RAB27B: variants seen among roughly 807,000 people sequenced by gnomAD.
RAB27B encodes ras-related protein Rab-27B.
A neutral mutation model predicts 24.6 loss-of-function variants in RAB27B; 15 were observed. That is an observed-to-expected ratio of 0.61 (90% CI 0.41 to 0.94). The LOEUF (loss-of-function observed/expected upper bound fraction) is 0.94, where lower values mean the gene tolerates loss of function less well. Ranked by LOEUF, RAB27B falls within the 40% of genes least tolerant of loss-of-function variation. The pLI is 0.00. For missense variants in RAB27B, 261 were observed against 266.8 expected (o/e 0.98, Z 0.15); for synonymous variants, 105 against 92.5 (o/e 1.14, Z -0.78).
At chr18:54,755,396 T>TTAAA (rs775055763) in intron 2 of RAB27B, among the ~76,000 whole-genome samples, 3 of 151,982 alleles carry the variant, frequency 2.0e-5, no homozygotes, top group South Asian at 2.1e-4. Context: ...TCTCAAAAAA[T>TTAAA]TAAATAAATA....
At chr18:54,837,509 G>A (rs937927897) in intron 1 of RAB27B, among the ~76,000 whole-genome samples, 1 of 152,102 alleles carries the variant, frequency 6.6e-6, no homozygotes, top group East Asian at 1.9e-4. Flanking sequence ...AATTGCATAC[G>A]TTCAAGAAAA....
intron 2 of RAB27B, among the ~76,000 whole-genome samples, chr18:54,754,326 GCTAA>G (rs202141001): frequency 0.18 from 27,852 of 151,770 alleles, 2,830 homozygotes; most frequent in African/African-American, 0.27. Context: ...CCCAGCCATG[GCTAA>G]CTGTGAGTCA....
intron 2 of RAB27B, among the ~76,000 whole-genome samples, chr18:54,718,912 A>T (rs1432947239): frequency 6.6e-6 from 1 of 152,206 alleles, no homozygotes; most frequent in Non-Finnish European, 1.5e-5. Context: ...AAGCCTTCCC[A>T]AACTGTTAGA....
At chr18:54,832,384 T>G (rs1317389192) in intron 1 of RAB27B, among the ~76,000 whole-genome samples, 1 of 152,170 alleles carries the variant, frequency 6.6e-6, no homozygotes, top group African/African-American at 2.4e-5. Flanking sequence ...TGGATAAAAC[T>G]AGGGAAGAAA....
chr18:54,847,813 G>A (rs1367265320), intron 1 of RAB27B, among the ~76,000 whole-genome samples: 1 of 151,768 alleles, frequency 6.6e-6, no homozygotes, highest in Non-Finnish European at 1.5e-5. Context: ...TTCCAAACAT[G>A]GTTATTAACA....
At chr18:54,752,628 A>G (rs963742455) in intron 2 of RAB27B, among the ~76,000 whole-genome samples, 6 of 152,172 alleles carry the variant, frequency 3.9e-5, no homozygotes, top group Admixed American at 3.3e-4. Context: ...TGTTATTTTT[A>G]ACATTTAAAG....
chr18:54,724,931 A>G (rs1242549496), intron 2 of RAB27B, among the ~76,000 whole-genome samples: 6 of 151,650 alleles, frequency 4.0e-5, no homozygotes, highest in Admixed American at 2.6e-4. Context: ...TCTGTTGTTA[A>G]CAATTTGAAT....
chr18:54,826,091 T>A (rs1910461861), upstream of RAB27B, among the ~76,000 whole-genome samples: 1 of 152,356 alleles, frequency 6.6e-6, no homozygotes, highest in East Asian at 1.9e-4. Context: ...CAATAACATT[T>A]AAAAAAATTC....
intron 2 of RAB27B, among the ~76,000 whole-genome samples, chr18:54,731,492 G>T (rs953847379): frequency 6.6e-6 from 1 of 151,916 alleles, no homozygotes; most frequent in South Asian, 2.1e-4. Context: ...AGGCTGAGGC[G>T]GGCAGATCAC....
In RAB27B at chr18:54,757,911, C is replaced by CA. The variant is rs545376388; in HGVS notation, c.-20+39777dup. 6.7e-3 allele frequency among the ~76,000 whole-genome samples: 1,022 copies of CA among 151,968 alleles called. 7 individuals carry two copies. The highest frequency in any genetic ancestry group is 0.011 in the Non-Finnish European group (770 of 67,960). Reference sequence around the variant, plus strand: ...AAATTCTTTTAAAAATTGACAAATACAAAAAAATCACAAAATCTAGAAATA... The same window carrying CA: ...AAATTCTTTTAAAAATTGACAAATACAAAAAAAATCACAAAATCTAGAAATA... On this transcript the variant is annotated intron_variant, in intron 2 of 4. Coordinates refer to the RAB27B transcript ENST00000586570.
In RAB27B at chr18:54,784,537, T is replaced by C. The variant is rs79624470; in HGVS notation, c.-20+66396T>C. 1.5e-3 allele frequency among the ~76,000 whole-genome samples: 227 copies of C among 152,326 alleles called. 1 individual carries two copies. The highest frequency in any genetic ancestry group is 5.3e-3 in the African/African-American group (222 of 41,572). ...CTCAAGTGCATACCCAGTGTTTAAC[T>C]CCCGCTTGTAAGTGAGAACATACAA... is the stretch of plus-strand genomic sequence containing the variant. On this transcript the variant is annotated intron_variant, in intron 2 of 4. Transcript: ENST00000586570.
At chr18:54,860,001 G>A (rs536061011) in intron 1 of RAB27B, among the ~76,000 whole-genome samples, 13 of 152,240 alleles carry the variant, frequency 8.5e-5, no homozygotes, top group African/African-American at 2.4e-4. Flanking sequence ...CCTTTGTTCT[G>A]ATGAAGTTGG....
chr18:54,837,837 A>C (rs990727727), intron 1 of RAB27B, among the ~76,000 whole-genome samples: 13 of 152,162 alleles, frequency 8.5e-5, no homozygotes, highest in African/African-American at 2.9e-4. Context: ...CAATTGAAGG[A>C]CATAATAAAT....
intron 2 of RAB27B, among the ~76,000 whole-genome samples, chr18:54,789,697 A>G (rs889222162): frequency 6.6e-6 from 1 of 152,088 alleles, no homozygotes. Flanking sequence ...TAACTTTTAC[A>G]TAGGTTTTTA....
chr18:54,851,463 TC>T (rs1460359333), intron 1 of RAB27B, among the ~76,000 whole-genome samples: 3 of 152,154 alleles, frequency 2.0e-5, no homozygotes, highest in African/African-American at 2.4e-5. Context: ...ATAATTCTTT[TC>T]CCTTTTTTTG....
chr18:54,885,692 T>C (rs1489880545), intron 4 of RAB27B, among the ~76,000 whole-genome samples: 1 of 152,134 alleles, frequency 6.6e-6, no homozygotes, highest in Non-Finnish European at 1.5e-5. Flanking sequence ...TATGTATTTT[T>C]TGGTTTACTT....
intron 2 of RAB27B, among the ~76,000 whole-genome samples, chr18:54,784,757 A>G (rs9958247): frequency 0.01 from 1,597 of 152,294 alleles, 31 homozygotes; most frequent in African/African-American, 0.036. Context: ...GCTATTGTGA[A>G]TAGTGCTGCA....
At chr18:54,881,214 G>A (rs971178387) in intron 3 of RAB27B, among the ~76,000 whole-genome samples, 2 of 152,124 alleles carry the variant, frequency 1.3e-5, no homozygotes, top group African/African-American at 4.8e-5. Flanking sequence ...AAAAAGAAAG[G>A]TTTTATTGCA....
Position 54,767,008 on chromosome 18 carries a change from C to A in RAB27B, c.-20+48867C>A, listed in dbSNP as rs1274926096. ...GCATTTGGCCAAAGCTGACCAGGAA[C>A]TTTTGAGGACCATCCAATTCACTAA... is the stretch of plus-strand genomic sequence containing the variant. On this transcript the variant is annotated intron_variant, in intron 2 of 4. Transcript: ENST00000586570. 2.0e-5 allele frequency among the ~76,000 whole-genome samples: 3 copies of A among 152,110 alleles called. No individual in the cohort carries two copies. In the East Asian group the frequency reaches 5.8e-4, roughly 29 times the overall value.
Sources: allele counts gnomAD v4.1 joint callset (sites outside exome capture counted in the v4.1 genomes callset), GRCh38; gene constraint gnomAD v4.1.1; transcripts MANE v1.5; gene names NCBI Gene and HGNC (gene_info 2026-07-23, HGNC 2026-07-21).